Variants in FPR3 observed in about 807,000 individuals in gnomAD.
FPR3 encodes formyl peptide receptor 3, also known as N-formyl peptide receptor 3.
For synonymous variants in FPR3, 135 were observed against 163.6 expected (o/e 0.83, Z 1.34); for missense variants, 346 against 443.2 (o/e 0.78, Z 1.97).
intron 1 of FPR3, among the ~76,000 whole-genome samples, chr19:51,810,531 T>A (rs2084089067): frequency 6.6e-6 from 1 of 152,176 alleles, no homozygotes; most frequent in African/African-American, 2.4e-5. Context: ...GGGAGTGCCA[T>A]TTGACTTTCC....
Position 51,813,093 on chromosome 19 carries a change from T to C in FPR3, c.-10-10646T>C, listed in dbSNP as rs2084108639. The stretch of plus-strand genomic sequence containing the variant: ...GAGATCACGCCACTGCACTCCAGCA[T>C]GGGTGACAGAGTGATGCTCTGTCTC... On this transcript the variant is annotated intron_variant, in intron 1 of 1. Coordinates refer to ENST00000339223, the MANE Select transcript of FPR3 (RefSeq NM_002030.5). Among the ~76,000 whole-genome samples, 4 of 150,520 alleles carry C rather than the reference T, an allele frequency of 2.7e-5. No homozygotes were observed. In the South Asian group the frequency reaches 6.3e-4, roughly 24 times the overall value.
chr19:51,798,215 C>T (rs2084010948), intron 1 of FPR3, among the ~76,000 whole-genome samples: 1 of 151,912 alleles, frequency 6.6e-6, no homozygotes, highest in Non-Finnish European at 1.5e-5. Flanking sequence ...ACCCAACTGG[C>T]AGGGGGAGGG....
chr19:51,803,808 G>C (rs1486164943), intron 1 of FPR3: 1 of 152,060 alleles, frequency 6.6e-6, no homozygotes, highest in African/African-American at 2.4e-5. Flanking sequence ...CTTCCCACTG[G>C]CCTTGGTTAA....
intron 1 of FPR3, among the ~76,000 whole-genome samples, chr19:51,820,861 G>T (rs114221278): frequency 6.6e-6 from 1 of 152,178 alleles, no homozygotes; most frequent in Non-Finnish European, 1.5e-5. Flanking sequence ...AATATTCACC[G>T]TGTCTCAAGG....
intron 1 of FPR3, among the ~76,000 whole-genome samples, chr19:51,796,346 C>T (rs554440376): frequency 6.6e-6 from 1 of 152,226 alleles, no homozygotes; most frequent in East Asian, 1.9e-4. Flanking sequence ...ATGCACAGGG[C>T]ACATGTGGCA....
intron 1 of FPR3, among the ~76,000 whole-genome samples, chr19:51,796,256 G>C (rs773745220): frequency 1.3e-5 from 2 of 152,198 alleles, no homozygotes; most frequent in Non-Finnish European, 2.9e-5. Flanking sequence ...AGATGACAAA[G>C]AGCTGCAAGT....
rs148062393 is a variant in FPR3 at position 51,800,171 on chromosome 19, C to A, written c.-11+4840C>A. Among the ~76,000 whole-genome samples, 1,502 of 152,302 alleles carry A rather than the reference C, an allele frequency of 9.9e-3. 17 individuals carry two copies. Among genetic ancestry groups the A allele is most frequent in the Admixed American group, 0.019 (294 of 15,298 alleles). On this transcript the variant is annotated intron_variant, in intron 1 of 1. Coordinates refer to ENST00000339223, the MANE Select transcript of FPR3 (RefSeq NM_002030.5). ...AGTCCCCAGGGCACCTTGCAAGAGC[C>A]GGTGCTGCTGAGGCCAGTGCCTCCT...
At chr19:51,801,181 C>A (rs2084025001) in intron 1 of FPR3, among the ~76,000 whole-genome samples, 1 of 152,006 alleles carries the variant, frequency 6.6e-6, no homozygotes, top group African/African-American at 2.4e-5. Flanking sequence ...AAGTATTGAG[C>A]CAAAACCAGG....
intron 1 of FPR3, among the ~76,000 whole-genome samples, chr19:51,810,278 A>C (rs567387356): frequency 1.3e-5 from 2 of 152,328 alleles, no homozygotes; most frequent in East Asian, 3.9e-4. Context: ...ACACCTCACC[A>C]GTGCCAGTGC....
At chr19:51,817,989 CTT>C (rs2084154087) in intron 1 of FPR3, among the ~76,000 whole-genome samples, 1 of 143,916 alleles carries the variant, frequency 6.9e-6, no homozygotes, top group African/African-American at 2.5e-5. Flanking sequence ...TTTTTTTTTT[CTT>C]TTTTCTTTTC....
intron 1 of FPR3, chr19:51,817,811 C>T (rs2084151235): frequency 6.6e-6 from 1 of 152,074 alleles, no homozygotes; most frequent in African/African-American, 2.4e-5. Flanking sequence ...AGGGACTGGC[C>T]ACAAGAAAAG....
intron 1 of FPR3, among the ~76,000 whole-genome samples, chr19:51,816,032 AC>A (rs773761930): frequency 1.8e-4 from 27 of 150,152 alleles, no homozygotes; most frequent in East Asian, 7.9e-4. Flanking sequence ...GCACCACTAC[AC>A]CCCAGACTGG....
At chr19:51,816,409 G>A (rs940209663) in intron 1 of FPR3, among the ~76,000 whole-genome samples, 5 of 152,160 alleles carry the variant, frequency 3.3e-5, no homozygotes, top group South Asian at 2.1e-4. Flanking sequence ...CACTACACCC[G>A]GTTAATTTTT....
chr19:51,822,487 G>T (rs527751388), intron 1 of FPR3, among the ~76,000 whole-genome samples: 1 of 152,136 alleles, frequency 6.6e-6, no homozygotes, highest in African/African-American at 2.4e-5. Context: ...GTTGCATAGA[G>T]AAAGGGCTTA....
At chr19:51,813,119 AACACACACACACAC>A (rs35245083) in intron 1 of FPR3, among the ~76,000 whole-genome samples, 12 of 137,120 alleles carry the variant, frequency 8.8e-5, no homozygotes, top group South Asian at 7.3e-4. Context: ...GCTCTGTCTC[AACACACACACACAC>A]ACACACACAC....
chr19:51,818,225 T>G (rs909714012), intron 1 of FPR3, among the ~76,000 whole-genome samples: 2 of 152,216 alleles, frequency 1.3e-5, no homozygotes, highest in Non-Finnish European at 2.9e-5. Context: ...ACGCCATGTA[T>G]CTCATTAATA....
Position 51,823,862 on chromosome 19 carries a change from C to A in FPR3, c.114C>A (p.Val38=). ...FSLLVHGVTF[V]FGVLGNGLVI... ...TGCTAGTCCACGGAGTCACCTTTGT[C>A]TTCGGGGTCCTGGGCAATGGGCTTG... Residue 38 remains valine, a synonymous_variant, in exon 2 of 2, where the codon GTC becomes GTA. Coordinates refer to ENST00000339223, the MANE Select transcript of FPR3 (RefSeq NM_002030.5). The A allele has an allele frequency of 6.2e-7, 1 of 1,614,038 alleles. No homozygotes were observed. The highest frequency in any genetic ancestry group is 8.5e-7 in the Non-Finnish European group (1 of 1,179,980).
chr19:51,803,255 A>G (rs921524782), intron 1 of FPR3, among the ~76,000 whole-genome samples: 4 of 152,138 alleles, frequency 2.6e-5, no homozygotes, highest in African/African-American at 9.7e-5. Context: ...TTTCATGAAC[A>G]CCTTAAATTT....
chr19:51,800,847 G>A (rs917368418), intron 1 of FPR3, among the ~76,000 whole-genome samples: 2 of 152,106 alleles, frequency 1.3e-5, no homozygotes, highest in African/African-American at 4.8e-5. Context: ...AGAGAGTGAG[G>A]TTAGGAAATA....
Sources: gnomAD v4.1 joint callset for allele counts (sites outside exome capture counted in the v4.1 genomes callset) on GRCh38, gnomAD v4.1.1 for gene constraint, MANE v1.5 for transcripts, NCBI Gene and HGNC (gene_info 2026-07-23, HGNC 2026-07-21) for gene names.